The following ESRRG variants were observed in gnomAD, a reference collection of about 807,000 sequenced individuals.
ESRRG encodes the protein estrogen-related receptor gamma.
ESRRG carries 13 observed loss-of-function variants against 44.0 expected under a neutral mutation model. The ratio of observed to expected loss-of-function variants is 0.30; its 90% CI spans 0.19 to 0.47. The LOEUF is 0.47. Ranked by LOEUF, ESRRG falls within the 20% of genes least tolerant of loss-of-function variation. The pLI is 1.00. For synonymous variants in ESRRG, 215 were observed against 214.6 expected, an observed-to-expected ratio of 1.00 and a Z score of -0.02; for missense variants, 395 against 580.6, an observed-to-expected ratio of 0.68 and a Z score of 3.29.
At chr1:217,081,271 A>AGGCT (rs2151513315) in intron 1 of ESRRG, among the ~76,000 whole-genome samples, 1 of 63,806 alleles carries the variant, frequency 1.6e-5, no homozygotes, top group East Asian at 4.9e-4. Context: ...CTTGTTGCCC[A>AGGCT]GGCTGGAGTG....
At chr1:216,603,021 T>C (rs2059448598) in intron 3 of ESRRG, among the ~76,000 whole-genome samples, 1 of 152,170 alleles carries the variant, frequency 6.6e-6, no homozygotes, top group African/African-American at 2.4e-5. Flanking sequence ...AATCTAATAA[T>C]AGAGATCTTA....
chr1:216,836,499 C>T (rs962081839), intron 2 of ESRRG, among the ~76,000 whole-genome samples: 1 of 152,110 alleles, frequency 6.6e-6, no homozygotes, highest in African/African-American at 2.4e-5. Context: ...AATCACGGGC[C>T]TACCAACACT....
At chr1:216,568,294 G>C (rs945720659) in intron 3 of ESRRG, among the ~76,000 whole-genome samples, 196 bp from the exon 4 acceptor site, 2 of 152,218 alleles carry the variant, frequency 1.3e-5, no homozygotes, top group African/African-American at 4.8e-5. Flanking sequence ...TCTGTCAGCA[G>C]ATGACAGATC....
intron 3 of ESRRG, among the ~76,000 whole-genome samples, chr1:216,572,420 A>G (rs1176967406): frequency 2.0e-5 from 3 of 152,154 alleles, no homozygotes; most frequent in African/African-American, 7.2e-5. Flanking sequence ...CAACTTTGAA[A>G]ATAGGTTTAT....
At chr1:216,813,553 A>G (rs912612155) in intron 2 of ESRRG, among the ~76,000 whole-genome samples, 2 of 152,202 alleles carry the variant, frequency 1.3e-5, no homozygotes, top group Non-Finnish European at 2.9e-5. Flanking sequence ...GCAAGAACAT[A>G]TATTTTTTTG....
chr1:216,611,372 T>A, intron 3 of ESRRG, among the ~76,000 whole-genome samples: 1 of 152,002 alleles, frequency 6.6e-6, no homozygotes, highest in East Asian at 1.9e-4. Flanking sequence ...AAGACCTAAT[T>A]CCATTGGTAT....
intron 5 of ESRRG, among the ~76,000 whole-genome samples, chr1:216,538,990 CA>C (rs1404936544): frequency 6.6e-6 from 1 of 151,948 alleles, no homozygotes; most frequent in Non-Finnish European, 1.5e-5. Flanking sequence ...CTCTAGCAAG[CA>C]TAGGACTTAA....
chr1:216,923,943 A>G (rs572167830), intron 2 of ESRRG, among the ~76,000 whole-genome samples: 4 of 152,202 alleles, frequency 2.6e-5, no homozygotes, highest in Non-Finnish European at 4.4e-5. Flanking sequence ...AGGTCTACTC[A>G]AGGAGCAAAG....
intron 5 of ESRRG, among the ~76,000 whole-genome samples, chr1:216,524,770 T>C (rs1013674687): frequency 6.6e-6 from 1 of 152,194 alleles, no homozygotes; most frequent in African/African-American, 2.4e-5. Flanking sequence ...TCCTAAAATC[T>C]AAAAGGCAGG....
At chr1:216,716,417 A>G (rs796395665) in intron 1 of ESRRG, among the ~76,000 whole-genome samples, 26 of 152,076 alleles carry the variant, frequency 1.7e-4, no homozygotes, top group African/African-American at 6.0e-4. Context: ...ATTTAGTACC[A>G]TCTTAGCCAA....
intron 2 of ESRRG, among the ~76,000 whole-genome samples, chr1:216,735,367 A>AT (rs1352232423): frequency 7.7e-6 from 1 of 129,880 alleles, no homozygotes; most frequent in African/African-American, 3.4e-5. Flanking sequence ...TACCCAGCTA[A>AT]TTAAAAAAAA....
intron 1 of ESRRG, among the ~76,000 whole-genome samples, chr1:217,005,253 C>A (rs1223616585): frequency 2.0e-5 from 3 of 152,182 alleles, no homozygotes; most frequent in South Asian, 4.1e-4. Flanking sequence ...TCAGGTCCAA[C>A]CACCTCCTTT....
chr1:216,813,863 A>T (rs2148503322), intron 2 of ESRRG, among the ~76,000 whole-genome samples: 1 of 152,032 alleles, frequency 6.6e-6, no homozygotes, highest in South Asian at 2.1e-4. Context: ...AATTCTTACC[A>T]CTCTTGTGAA....
chr1:216,824,958 G>A lies in ESRRG; in HGVS notation c.-14+114624C>T, dbSNP rs142880906. 7.9e-5 allele frequency among the ~76,000 whole-genome samples: 12 copies of A among 152,276 alleles called. No individual in the cohort carries two copies. In the East Asian group the frequency reaches 2.3e-3, roughly 29 times the overall value. On this transcript the variant is annotated intron_variant, in intron 2 of 7. Transcript: ENST00000359162. Reference sequence around the variant, plus strand: ...ATCTGTCTGCATGTAGTCTTGCTTGGAGACAGAGAATTCACTACATCAGGA... The same window carrying A: ...ATCTGTCTGCATGTAGTCTTGCTTGAAGACAGAGAATTCACTACATCAGGA...
chr1:216,505,341 T>C lies in ESRRG; in HGVS notation c.*1598A>G, dbSNP rs1380583187. The C allele has an allele frequency of 6.6e-6, 1 of 152,622 alleles. No individual in the cohort carries two copies. Among genetic ancestry groups the C allele is most frequent in the African/African-American group, 2.4e-5 (1 of 41,444 alleles). The allele number at this position is 152,622 out of a possible 1,614,324, so 9.5% of individuals were successfully genotyped here. On this transcript the variant is annotated 3_prime_UTR_variant, in exon 7 of 7. Coordinates refer to ENST00000408911, the MANE Select transcript of ESRRG (RefSeq NM_001438.4). The stretch of plus-strand genomic sequence containing the variant: ...CAATACTGGTTGAAAAGCACATATA[T>C]TGGCTTAGCTCTTGGTAAAAACTGC...
Position 217,016,428 on chromosome 1 carries a change from C to T in ESRRG, c.-106+73079G>A, listed in dbSNP as rs185939877. ...CTTCCTCAGAACAACACCCTGCCTC[C>T]CTACAACCCAGAAAGCATTTAGAAA... is the stretch of plus-strand genomic sequence containing the variant. On this transcript the variant is annotated intron_variant, in intron 1 of 7. Coordinates refer to the ESRRG transcript ENST00000359162. Among the ~76,000 whole-genome samples the T allele has an allele frequency of 3.8e-3, 573 of 152,184 alleles. 1 individual carries two copies. The highest frequency in any genetic ancestry group is 0.017 in the Middle Eastern group (5 of 294).
At chr1:216,900,404 C>T (rs1206856738) in intron 2 of ESRRG, among the ~76,000 whole-genome samples, 1 of 152,182 alleles carries the variant, frequency 6.6e-6, no homozygotes, top group Non-Finnish European at 1.5e-5. Flanking sequence ...ATCGCCCACT[C>T]ATGTTGGTGT....
At chr1:216,796,985 A>T (rs533016671) in intron 2 of ESRRG, among the ~76,000 whole-genome samples, 1 of 151,984 alleles carries the variant, frequency 6.6e-6, no homozygotes, top group Non-Finnish European at 1.5e-5. Flanking sequence ...TCTGCCTCCC[A>T]GGTTCAAGCG....
intron 1 of ESRRG, among the ~76,000 whole-genome samples, chr1:216,971,848 C>A (rs1375015239): frequency 1.3e-5 from 2 of 152,162 alleles, no homozygotes; most frequent in African/African-American, 4.8e-5. Context: ...TAATTGAAAT[C>A]TTATCTGAGG....
Sources: gnomAD v4.1 joint callset for allele counts (sites outside exome capture counted in the v4.1 genomes callset) on GRCh38, gnomAD v4.1.1 for gene constraint, MANE v1.5 for transcripts, NCBI Gene and HGNC (gene_info 2026-07-23, HGNC 2026-07-21) for gene names.